The following DENND2A variants were observed in gnomAD, a reference collection of about 807,000 sequenced individuals.
DENND2A encodes the protein DENN domain containing 2A, also known as DENN domain-containing protein 2A.
A neutral mutation model predicts 105.3 loss-of-function variants in DENND2A; 53 were observed. The observed-to-expected ratio is 0.50, with a 90% confidence interval of 0.40 to 0.63. The LOEUF is 0.63. DENND2A is among the 30% of genes least tolerant of loss of function. The pLI is 0.00. For missense variants in DENND2A, 1,138 were observed against 1,279.6 expected (o/e 0.89, Z 1.69); for synonymous variants, 522 against 508.4 (o/e 1.03, Z -0.36).
intron 14 of DENND2A, among the ~76,000 whole-genome samples, chr7:140,539,103 C>T (rs1585579318): frequency 6.6e-6 from 1 of 152,230 alleles, no homozygotes. Flanking sequence ...GGATGACAGG[C>T]GTGAGCAACT....
chr7:140,562,859 T>C (rs1311238374), intron 9 of DENND2A, among the ~76,000 whole-genome samples: 1 of 152,200 alleles, frequency 6.6e-6, no homozygotes, highest in African/African-American at 2.4e-5. Context: ...ATAGCCACTA[T>C]TTCTTTTCTA....
At chr7:140,567,306 G>GAGAGGGAGAGAGAAAGAGAGAA (rs1797888097) in intron 8 of DENND2A, 33 bp from the exon 9 acceptor site, 6 of 466,562 alleles carry the variant, frequency 1.3e-5, no homozygotes, top group Non-Finnish European at 1.7e-5. Flanking sequence ...AAGAGAGAAA[G>GAGAGGGAGAGAGAAAGAGAGAA]AGAGAGAGAG....
At chr7:140,553,147 C>G (rs900794589) in intron 12 of DENND2A, among the ~76,000 whole-genome samples, 1 of 152,074 alleles carries the variant, frequency 6.6e-6, no homozygotes, top group South Asian at 2.1e-4. Context: ...TCTGAGTTCC[C>G]TTAGTATTTA....
intron 3 of DENND2A, among the ~76,000 whole-genome samples, chr7:140,596,865 G>A (rs544254362): frequency 6.6e-5 from 10 of 152,136 alleles, no homozygotes; most frequent in South Asian, 2.1e-4. Flanking sequence ...GTTAAATGTC[G>A]GCCTTAAGGC....
Position 140,613,989 on chromosome 7 carries a change from C to T in DENND2A, c.-247-8183G>A, listed in dbSNP as rs150348995. ...TGTGACCACTTGCCTCATCACCTACCCTTCTCCCCTTTTTTCTTTTCCTCC... is the reference window on the plus strand; with the variant it reads ...TGTGACCACTTGCCTCATCACCTACTCTTCTCCCCTTTTTTCTTTTCCTCC... On this transcript the variant is annotated intron_variant, in intron 1 of 19. Coordinates refer to ENST00000496613, the MANE Select transcript of DENND2A (RefSeq NM_015689.5). Among the ~76,000 whole-genome samples the T allele has an allele frequency of 2.6e-5, 4 of 152,324 alleles. No homozygotes were observed. The East Asian group carries it at 7.7e-4, about 29-fold the overall frequency.
intron 12 of DENND2A, among the ~76,000 whole-genome samples, chr7:140,548,127 G>T (rs549015553): frequency 6.6e-6 from 1 of 152,008 alleles, no homozygotes; most frequent in African/African-American, 2.4e-5. Flanking sequence ...AGTCTTGCTA[G>T]GTCGCCCAGG....
At chr7:140,605,035 G>A (rs953723824) in intron 2 of DENND2A, among the ~76,000 whole-genome samples, 5 of 152,150 alleles carry the variant, frequency 3.3e-5, no homozygotes, top group Admixed American at 1.3e-4. Context: ...AAGCTCTGTC[G>A]GAAAACTTGA....
chr7:140,555,849 G>A (rs1247193980), intron 11 of DENND2A, 136 bp from the exon 12 acceptor site: 2 of 604,978 alleles, frequency 3.3e-6, no homozygotes, highest in Non-Finnish European at 5.6e-6. Flanking sequence ...AATAAAGTAA[G>A]TTGTTATCCC....
intron 1 of DENND2A, among the ~76,000 whole-genome samples, chr7:140,635,864 T>C (rs910392549): frequency 6.6e-6 from 1 of 151,810 alleles, no homozygotes; most frequent in Non-Finnish European, 1.5e-5. Context: ...CGGAGTAAAC[T>C]GTTGCCCACG....
At chr7:140,576,195 T>C (rs73483942) in intron 5 of DENND2A, among the ~76,000 whole-genome samples, 2,087 of 152,250 alleles carry the variant, frequency 0.014, 44 homozygotes, top group African/African-American at 0.047. Context: ...ATTAACTATT[T>C]GTCAGGTTTG....
At position 140,628,996 on chromosome 7, in the gene DENND2A, A is replaced by T. The variant is rs188987889; in HGVS notation, c.-248+11508T>A. On this transcript the variant is annotated intron_variant, in intron 1 of 19. Transcript: ENST00000496613. ...TGCCCTCAAGCTAGAGATAAAAGATATAAACCCTATCAACCAAATGGCAAT... is the reference window on the plus strand; with the variant it reads ...TGCCCTCAAGCTAGAGATAAAAGATTTAAACCCTATCAACCAAATGGCAAT... Among the ~76,000 whole-genome samples, 3 of 152,362 alleles carry T rather than the reference A, an allele frequency of 2.0e-5. No homozygotes were observed. In the East Asian group the frequency reaches 5.8e-4, roughly 29 times the overall value.
chr7:140,640,711 TCCCCGCCGC>T lies in DENND2A; in HGVS notation c.-464_-456del, dbSNP rs1274387782. ...CCCCGCCGCGCGCGCTCCCGTGGGG[TCCCCGCCGC>T]CCCCGGCCCCAGCGGCGCGCTTCCC... is the stretch of plus-strand genomic sequence containing the variant. On this transcript the variant is annotated 5_prime_UTR_variant, in exon 1 of 20. Coordinates refer to ENST00000496613, the MANE Select transcript of DENND2A (RefSeq NM_015689.5). This position sits in a 1 kb window ranked among gnomAD's most constrained non-coding sequence, Gnocchi z 4.9. 7.8e-6 allele frequency: 1 copy of T among 128,694 alleles called. No individual in the cohort carries two copies. Among genetic ancestry groups the T allele is most frequent in the Non-Finnish European group, 1.7e-5 (1 of 60,048 alleles). The allele number at this position is 128,694 out of a possible 1,614,324, so 8.0% of individuals were successfully genotyped here.
chr7:140,635,406 T>C (rs1022220391), intron 1 of DENND2A, among the ~76,000 whole-genome samples: 3 of 152,222 alleles, frequency 2.0e-5, no homozygotes, highest in African/African-American at 7.2e-5. Flanking sequence ...AGGAAATGCA[T>C]TTGGCATTCT....
intron 1 of DENND2A, among the ~76,000 whole-genome samples, chr7:140,609,005 C>T (rs971835978): frequency 2.6e-5 from 4 of 152,114 alleles, no homozygotes; most frequent in Non-Finnish European, 5.9e-5. Flanking sequence ...ATCTCTTGCT[C>T]GCAAGAAATC....
intron 12 of DENND2A, among the ~76,000 whole-genome samples, chr7:140,548,764 C>T (rs1048813153): frequency 6.6e-6 from 1 of 151,338 alleles, no homozygotes; most frequent in Non-Finnish European, 1.5e-5. Flanking sequence ...CAGGCATGCA[C>T]CACCACGCCT....
In DENND2A at chr7:140,519,715, A is replaced by C. The variant is rs1795784687; in HGVS notation, c.2915T>G (p.Leu972Arg). 6.2e-7 allele frequency: 1 copy of C among 1,614,036 alleles called. No homozygotes were observed. Among genetic ancestry groups the C allele is most frequent in the Non-Finnish European group, 8.5e-7 (1 of 1,179,928 alleles). The change falls in exon 19 of 20, where the codon CTG becomes CGG. Residue 972 changes from leucine (L) to arginine (R), a missense_variant. Transcript: ENST00000496613. Reference sequence around the variant, plus strand: ...ATACTCTTGGGCTCGGACCTCAAACAGACCTGTTAACAAGAGAAATCCCAG... The same window carrying C: ...ATACTCTTGGGCTCGGACCTCAAACCGACCTGTTAACAAGAGAAATCCCAG... ...RELRRQDAKGLFEVRAQEYLE... is the reference protein window; with the variant it reads ...RELRRQDAKGRFEVRAQEYLE...
intron 12 of DENND2A, among the ~76,000 whole-genome samples, chr7:140,550,984 C>A (rs973810770): frequency 6.6e-6 from 1 of 151,582 alleles, no homozygotes; most frequent in Non-Finnish European, 1.5e-5. Context: ...CCTGAAAAGG[C>A]TGCTTAGGGG....
chr7:140,605,057 G>A (rs1465991359), intron 2 of DENND2A, among the ~76,000 whole-genome samples: 1 of 152,176 alleles, frequency 6.6e-6, no homozygotes, highest in Non-Finnish European at 1.5e-5. Context: ...AGGAACAAAG[G>A]ATGGCTTGCT....
chr7:140,620,489 T>C lies in DENND2A; in HGVS notation c.-247-14683A>G, dbSNP rs373233156. ...TTTTTTTTCCATTCTCTGACATCTA[T>C]ATTTCTAACAACAACCACCCCCCCA... On this transcript the variant is annotated intron_variant, in intron 1 of 19. Transcript: ENST00000496613. 1.5e-4 allele frequency among the ~76,000 whole-genome samples: 23 copies of C among 152,232 alleles called. 1 individual carries two copies. Among genetic ancestry groups the C allele is most frequent in the East Asian group, 7.7e-4 (4 of 5,180 alleles).
Sources: gnomAD v4.1 joint callset for allele counts (sites outside exome capture counted in the v4.1 genomes callset) on GRCh38, gnomAD v4.1.1 for gene constraint, Gnocchi (gnomAD v3.1) non-coding constraint, MANE v1.5 for transcripts, NCBI Gene and HGNC (gene_info 2026-07-23, HGNC 2026-07-21) for gene names.